The following COL5A2 variants were observed in gnomAD, a reference collection of about 807,000 sequenced individuals.
The protein encoded by COL5A2 is collagen type V alpha 2 chain, also known as collagen alpha-2(V) chain.
COL5A2 carries 23 observed loss-of-function variants against 208.2 expected under a neutral mutation model. The observed-to-expected ratio is 0.11, with a 90% CI of 0.08 to 0.16. The LOEUF is 0.16. Among genes scored for constraint, COL5A2 ranks in the 10% least tolerant of loss-of-function variants. The pLI is 1.00. For synonymous variants in COL5A2, 625 were observed against 628.5 expected, an observed-to-expected ratio of 0.99 and a Z score of 0.08; for missense variants, 1,590 against 1,956.4, an observed-to-expected ratio of 0.81 and a Z score of 3.53.
the COL5A2 span, among the ~76,000 whole-genome samples, chr2:189,296,584 G>C: frequency 6.6e-6 from 1 of 152,174 alleles, no homozygotes; most frequent in Non-Finnish European, 1.5e-5. Flanking sequence ...TGTTAGTTTT[G>C]TTTCAGCAAG....
intron 18 of COL5A2, 41 bp from the exon 19 acceptor site, chr2:189,068,925 C>G: frequency 7.5e-7 from 1 of 1,337,308 alleles, no homozygotes; most frequent in Non-Finnish European, 1.1e-6. Context: ...AAGAAAAATA[C>G]GAGAGTGGCA....
chr2:189,353,760 C>T, the COL5A2 span, among the ~76,000 whole-genome samples: 2 of 152,166 alleles, frequency 1.3e-5, no homozygotes, highest in Admixed American at 6.5e-5. Flanking sequence ...TTCCTCTTTT[C>T]CTATTTGAAT....
intron 1 of COL5A2, among the ~76,000 whole-genome samples, chr2:189,143,991 G>A (rs909651943): frequency 3.3e-5 from 5 of 152,080 alleles, no homozygotes; most frequent in Admixed American, 2.6e-4. Flanking sequence ...GATCGCCAGG[G>A]TAGAATTTTA....
chr2:189,332,125 A>T, the COL5A2 span, among the ~76,000 whole-genome samples: 1 of 152,182 alleles, frequency 6.6e-6, no homozygotes, highest in Non-Finnish European at 1.5e-5. Context: ...ACAATAATAA[A>T]GCCACCAAAG....
chr2:189,050,213 T>C (rs1476529259), intron 43 of COL5A2, among the ~76,000 whole-genome samples: 1 of 152,188 alleles, frequency 6.6e-6, no homozygotes, highest in Non-Finnish European at 1.5e-5. Context: ...AAATATGGTA[T>C]TTTTGTTAAG....
rs151013195 is a variant in COL5A2, at chr2:189,152,668, G to A, written c.97+26840C>T. Among the ~76,000 whole-genome samples, 728 of 152,282 alleles carry A rather than the reference G, an allele frequency of 4.8e-3. 6 individuals are homozygous for A. Among genetic ancestry groups the A allele is most frequent in the African/African-American group, 0.017 (689 of 41,564 alleles). The stretch of plus-strand genomic sequence containing the variant: ...TTAGGTTCCAACTCCCGCAGAGGCT[G>A]GCTTTTTGGAAGAGCCTGGCTTTTT... On this transcript the variant is annotated intron_variant, in intron 1 of 53. Coordinates refer to ENST00000374866, the MANE Select transcript of COL5A2 (RefSeq NM_000393.5).
the COL5A2 span, among the ~76,000 whole-genome samples, chr2:189,352,011 T>C: frequency 6.6e-6 from 1 of 151,544 alleles, no homozygotes; most frequent in Non-Finnish European, 1.5e-5. Flanking sequence ...CCCTGTGATC[T>C]CATTGTTCAA....
the COL5A2 span, among the ~76,000 whole-genome samples, chr2:189,262,364 C>G: frequency 2.6e-5 from 4 of 152,080 alleles, no homozygotes; most frequent in East Asian, 1.9e-4. Flanking sequence ...GATACACACA[C>G]ATACATGCAC....
At position 189,110,406 on chromosome 2, in the gene COL5A2, C is replaced by T. The variant is rs1553519048; in HGVS notation, c.141G>A (p.Met47Ile). 2.5e-6 allele frequency: 4 copies of T among 1,614,130 alleles called. No homozygotes were observed. Among genetic ancestry groups the T allele is most frequent in the South Asian group, 1.1e-5 (1 of 91,082 alleles). The change falls in exon 2 of 54, where the codon ATG becomes ATA. Residue 47 changes from methionine to isoleucine, a missense_variant. Coordinates refer to ENST00000374866, the MANE Select transcript of COL5A2 (RefSeq NM_000393.5). ...GTTTCCAAATGTCCCTGTTTAAGTA[C>T]ATCTGGCCATTCTGAGTGCAGGCTA... ...EEIACTQNGQ[M>I]YLNRDIWKPA...
the COL5A2 span, among the ~76,000 whole-genome samples, chr2:189,296,335 C>T: frequency 0.017 from 2,568 of 152,216 alleles, 30 homozygotes; most frequent in Non-Finnish European, 0.021. Flanking sequence ...TCTCTTCACA[C>T]ATTATGCCCA....
At chr2:189,064,728 C>A in intron 24 of COL5A2, 73 bp from the exon 25 acceptor site, 1 of 1,120,374 alleles carries the variant, frequency 8.9e-7, no homozygotes, top group South Asian at 1.2e-5. Flanking sequence ...GTAAAATTAT[C>A]GTTTTACAAA....
chr2:189,123,922 G>T (rs1687559042), intron 1 of COL5A2, among the ~76,000 whole-genome samples: 1 of 152,088 alleles, frequency 6.6e-6, no homozygotes, highest in Admixed American at 6.5e-5. Flanking sequence ...TAGACAACCA[G>T]ATTGCTATGT....
the COL5A2 span, among the ~76,000 whole-genome samples, chr2:189,430,891 G>A: frequency 1.3e-5 from 2 of 152,242 alleles, no homozygotes; most frequent in Admixed American, 1.3e-4. Context: ...TGACCCCTGT[G>A]TAGACTAACT....
At chr2:189,319,750 C>T in the COL5A2 span, among the ~76,000 whole-genome samples, 353 of 152,296 alleles carry the variant, frequency 2.3e-3, 2 homozygotes, top group East Asian at 8.9e-3. Context: ...AGGGCGTAGC[C>T]GAACAAAAGG....
chr2:189,100,165 A>G lies in COL5A2; in HGVS notation c.337-26T>C, dbSNP rs56380683. 225,363 of 1,596,518 alleles carry G rather than the reference A, an allele frequency of 0.14. 16,812 individuals carry two copies. The highest frequency in any genetic ancestry group is 0.24 in the Middle Eastern group (1,443 of 6,004). ...CTGTGACATTAAAAACAATTCAAAA[A>G]TTCAATTAGCACAATATAATGGCTT... is the stretch of plus-strand genomic sequence containing the variant. On this transcript the variant is annotated intron_variant, in intron 3 of 53. Coordinates refer to ENST00000374866, the MANE Select transcript of COL5A2 (RefSeq NM_000393.5).
intron 7 of COL5A2, among the ~76,000 whole-genome samples, chr2:189,090,630 T>C (rs1489065544): frequency 1.3e-5 from 2 of 152,212 alleles, no homozygotes; most frequent in Non-Finnish European, 2.9e-5. Context: ...TAGGGGTTAA[T>C]GCAGCTGGAG....
chr2:189,088,706 G>A lies in COL5A2; in HGVS notation c.634C>T (p.Pro212Ser). The A allele has an allele frequency of 3.7e-6, 6 of 1,613,444 alleles. No homozygotes were observed. The highest frequency in any genetic ancestry group is 5.1e-6 in the Non-Finnish European group (6 of 1,179,482). ...AAATTTATGCTTACCACAGAGCCAG[G>A]CATTAGTCCTACTTGACTCCCAAGT... ...SGLGSQVGLM[P>S]GSVGPVGPRG... Residue 212 changes from proline to serine, a missense_variant, in exon 8 of 54, where the codon CCT becomes TCT. By Grantham distance (74) the Pro-to-Ser change is moderately conservative. Transcript: ENST00000374866.
At chr2:189,089,031 C>T (rs2105659210) in intron 7 of COL5A2, among the ~76,000 whole-genome samples, 1 of 151,852 alleles carries the variant, frequency 6.6e-6, no homozygotes, top group Middle Eastern at 3.4e-3. Flanking sequence ...ATGTCTGATA[C>T]TTGATAAAAG....
chr2:189,093,456 G>A (rs73978855), intron 6 of COL5A2, among the ~76,000 whole-genome samples: 2,680 of 152,286 alleles, frequency 0.018, 26 homozygotes, highest in Non-Finnish European at 0.02. Context: ...AGCTGATAGT[G>A]CAGAGGGAGC....
Sources: gnomAD v4.1 joint callset for allele counts (sites outside exome capture counted in the v4.1 genomes callset) on GRCh38, gnomAD v4.1.1 for gene constraint, MANE v1.5 for transcripts, NCBI Gene and HGNC (gene_info 2026-07-23, HGNC 2026-07-21) for gene names.